Variants in ISLR2 observed in about 807,000 individuals in gnomAD.
The protein encoded by ISLR2 is immunoglobulin superfamily containing leucine rich repeat 2, also known as immunoglobulin superfamily containing leucine-rich repeat protein 2.
ISLR2 carries 16 observed loss-of-function variants against 25.5 expected under a neutral mutation model. That is an observed-to-expected ratio of 0.63 (90% CI 0.43 to 0.95). The LOEUF (loss-of-function observed/expected upper bound fraction) is 0.95. ISLR2 is among the 40% of genes least tolerant of loss of function. The pLI is 0.00. For synonymous variants in ISLR2, 508 were observed against 486.6 expected, an observed-to-expected ratio of 1.04 and a Z score of -0.58; for missense variants, 883 against 1,030.7, an observed-to-expected ratio of 0.86 and a Z score of 1.96.
chr15:74,136,164 G>A lies in ISLR2; in HGVS notation c.*1172G>A, dbSNP rs936591919. On this transcript the variant is annotated 3_prime_UTR_variant, in exon 3 of 3. Transcript: ENST00000453268. ...GCGCCCCTTGGCGGCTGAGCCTGTG[G>A]ACTTGGTCGCGGGCCAATTTCGTTG... The A allele has an allele frequency of 6.0e-6, 1 of 166,724 alleles. No homozygotes were observed. Among genetic ancestry groups the A allele is most frequent in the East Asian group, 1.9e-4 (1 of 5,190 alleles). 10.3% of individuals were successfully genotyped at this position (166,724 alleles called of 1,614,324 possible).
chr15:74,112,451 A>G (rs1438985471), intron 2 of ISLR2, among the ~76,000 whole-genome samples: 1 of 152,132 alleles, frequency 6.6e-6, no homozygotes, highest in Non-Finnish European at 1.5e-5. Flanking sequence ...ATATTTCTCT[A>G]AATTCTTTAA....
rs1319577185 is a variant in ISLR2 at position 74,106,710 on chromosome 15, A to G, written n.228+2796A>G. ...CTTGCCCAGGGCCCCAGAGCTGGCT[A>G]GAATTCCTGCACTGCCATATCCAAG... On this transcript the variant is annotated intron_variant and non_coding_transcript_variant, in intron 2 of 3. Transcript: ENST00000561975. Among the ~76,000 whole-genome samples, 3 of 152,116 alleles carry G rather than the reference A, an allele frequency of 2.0e-5. No homozygotes were observed. The East Asian group carries it at 5.8e-4, about 29-fold the overall frequency.
chr15:74,136,875 A>G (rs887067788), downstream of ISLR2: 57 of 165,956 alleles, frequency 3.4e-4, no homozygotes. Flanking sequence ...CCGCGGAAGG[A>G]AGGAGCCCCC....
downstream of ISLR2, among the ~76,000 whole-genome samples, chr15:74,140,982 C>T (rs1391113837): frequency 6.6e-6 from 1 of 152,178 alleles, no homozygotes; most frequent in Non-Finnish European, 1.5e-5. Context: ...CCTAATGAGA[C>T]TTGATATGGA....
At chr15:74,126,987 T>C (rs973473666), upstream of ISLR2, 1 of 150,688 alleles carries the variant, frequency 6.6e-6, no homozygotes, top group Non-Finnish European at 1.5e-5. Flanking sequence ...TGGGAAGTAG[T>C]GAGTGTTCAG....
In ISLR2 at chr15:74,134,857, G is replaced by C. The variant is rs1344554337; in HGVS notation, c.2103G>C (p.Leu701=). 6.2e-6 allele frequency: 10 copies of C among 1,614,088 alleles called. No homozygotes were observed. Among genetic ancestry groups the C allele is most frequent in the Non-Finnish European group, 6.8e-6 (8 of 1,180,050 alleles). Residue 701 remains leucine (L), a synonymous_variant, in exon 3 of 3, where the codon CTG becomes CTC. Transcript: ENST00000453268. ...AGGAGAGCCTGGCGGCCTGCTCACT[G>C]GTGGAGTCCCAGTCCAAGGCCAACC... is the stretch of plus-strand genomic sequence containing the variant. The part of the protein sequence containing the change: ...QREESLAACS[L]VESQSKANQE...
At chr15:74,109,816 C>G (rs1048503598) in intron 2 of ISLR2, among the ~76,000 whole-genome samples, 3 of 152,090 alleles carry the variant, frequency 2.0e-5, no homozygotes, top group Admixed American at 6.6e-5. Context: ...ATTTATTTAA[C>G]GCAGGGTTTT....
upstream of ISLR2, chr15:74,129,609 T>C (rs997254588): frequency 6.6e-6 from 1 of 152,490 alleles, no homozygotes; most frequent in Non-Finnish European, 1.5e-5. This position sits in a 1 kb window ranked among gnomAD's most constrained non-coding sequence, Gnocchi z 4.5. Context: ...TTTAGCCAAA[T>C]GCCTCGACAT....
chr15:74,125,661 G>C (rs2072289272), upstream of ISLR2, among the ~76,000 whole-genome samples: 1 of 152,202 alleles, frequency 6.6e-6, no homozygotes, highest in Non-Finnish European at 1.5e-5. Flanking sequence ...TGTTAATTTT[G>C]ATGGCAATAA....
Position 74,136,536 on chromosome 15 carries a change from G to C in ISLR2, c.*1544G>C, listed in dbSNP as rs1253228325. 4 of 154,142 alleles carry C rather than the reference G, an allele frequency of 2.6e-5. No individual in the cohort carries two copies. The East Asian group carries it at 6.8e-4, about 26-fold the overall frequency. The allele number at this position is 154,142 out of a possible 1,614,324, so 9.5% of individuals were successfully genotyped here. A position where few individuals can be genotyped will look rare whatever the true frequency, so the allele number is the denominator to read the frequency against. ...GAAAAGTCTGTGTCCTGTGAAGTGTGACCGTGTAGTGTAGGGGGGCGGGCG... is the reference window on the plus strand; with the variant it reads ...GAAAAGTCTGTGTCCTGTGAAGTGTCACCGTGTAGTGTAGGGGGGCGGGCG... On this transcript the variant is annotated 3_prime_UTR_variant, in exon 3 of 3. Transcript: ENST00000453268.
intron 2 of ISLR2, among the ~76,000 whole-genome samples, chr15:74,119,192 C>T (rs2072233640): frequency 6.7e-6 from 1 of 149,750 alleles, no homozygotes; most frequent in Non-Finnish European, 1.5e-5. Flanking sequence ...GACACTAGAA[C>T]TATTCCTTCT....
chr15:74,109,203 C>G (rs2141928229), intron 2 of ISLR2, among the ~76,000 whole-genome samples: 1 of 152,242 alleles, frequency 6.6e-6, no homozygotes, highest in Admixed American at 6.5e-5. Flanking sequence ...AGATAGTATC[C>G]TTCCCCATAT....
Position 74,134,489 on chromosome 15 carries a change from G to A in ISLR2, c.1735G>A (p.Val579Met), listed in dbSNP as rs778447236. 6.2e-7 allele frequency: 1 copy of A among 1,613,572 alleles called. No individual in the cohort carries two copies. The highest frequency in any genetic ancestry group is 1.1e-5 in the South Asian group (1 of 91,074). Residue 579 changes from valine to methionine, a missense_variant, in exon 3 of 3, where the codon GTG becomes ATG. Transcript: ENST00000453268. Reference sequence around the variant, plus strand: ...GGCGGGCGAAGCCTGCCACGTGCAAGTGGTGTTTTCCACCAAGAAGGAGCT... The same window carrying A: ...GGCGGGCGAAGCCTGCCACGTGCAAATGGTGTTTTCCACCAAGAAGGAGCT... ...ALAGEACHVQ[V>M]VFSTKKELPS...
intron 2 of ISLR2, among the ~76,000 whole-genome samples, chr15:74,104,844 C>T (rs1235881703): frequency 4.9e-5 from 7 of 144,032 alleles, no homozygotes; most frequent in East Asian, 2.1e-4. Flanking sequence ...CCTCAGCCTC[C>T]GAAAGCGTTG....
At chr15:74,140,477 A>G (rs1481762400), downstream of ISLR2, among the ~76,000 whole-genome samples, 1 of 152,196 alleles carries the variant, frequency 6.6e-6, no homozygotes, top group African/African-American at 2.4e-5. Flanking sequence ...TCCATAGGGA[A>G]AAAGGGACCT....
At chr15:74,125,851 A>G (rs1456107908), upstream of ISLR2, 1 of 152,246 alleles carries the variant, frequency 6.6e-6, no homozygotes, top group Admixed American at 6.5e-5. Flanking sequence ...GTCTTCTCAT[A>G]GGCAAATGTG....
At chr15:74,129,174 T>C (rs1031984518), upstream of ISLR2, 2 of 399,706 alleles carry the variant, frequency 5.0e-6, no homozygotes, top group Admixed American at 2.9e-5. This position sits in a 1 kb window ranked among gnomAD's most constrained non-coding sequence, Gnocchi z 4.5. Flanking sequence ...GATGCGATGG[T>C]CTCAGCCCGC....
chr15:74,114,729 C>T (rs1257046904), intron 2 of ISLR2, among the ~76,000 whole-genome samples: 2 of 152,070 alleles, frequency 1.3e-5, no homozygotes, highest in East Asian at 1.9e-4. Context: ...AATGGAACAA[C>T]ATATATAAAA....
rs1455758108 is a variant in ISLR2, at chr15:74,135,357, G to A, written c.*365G>A. 1.5e-5 allele frequency: 4 copies of A among 264,930 alleles called. No individual in the cohort carries two copies. The highest frequency in any genetic ancestry group is 3.1e-5 in the Non-Finnish European group (4 of 127,546). The allele number at this position is 264,930 out of a possible 1,614,324, so 16.4% of individuals were successfully genotyped here. A position where few individuals can be genotyped will look rare whatever the true frequency, so the allele number is the denominator to read the frequency against. The stretch of plus-strand genomic sequence containing the variant: ...CGCCCCACCGTGGGCTCTGGAGCCA[G>A]AGGAAACGAGCGAAGACTTTGGAAA... On this transcript the variant is annotated 3_prime_UTR_variant, in exon 3 of 3. Coordinates refer to ENST00000453268, the MANE Select transcript of ISLR2 (RefSeq NM_020851.3).
Sources: allele counts gnomAD v4.1 joint callset (sites outside exome capture counted in the v4.1 genomes callset), GRCh38; gene constraint gnomAD v4.1.1; non-coding constraint Gnocchi (gnomAD v3.1); transcripts MANE v1.5; gene names NCBI Gene and HGNC (gene_info 2026-07-23, HGNC 2026-07-21).